ZNF169: variants seen among roughly 807,000 people sequenced by gnomAD.
The protein encoded by ZNF169 is zinc finger protein 169.
Under a neutral mutation model 12.0 loss-of-function variants are expected in ZNF169, and 11 were observed. The observed-to-expected ratio is 0.92, with a 90% CI of 0.58 to 1.52. The LOEUF is 1.52. ZNF169 is among the 40% of genes most tolerant of loss of function. ZNF169 has a pLI of 0.00. For missense variants in ZNF169, 722 were observed against 744.0 expected, an observed-to-expected ratio of 0.97 and a Z score of 0.34; for synonymous variants, 302 against 286.5, an observed-to-expected ratio of 1.05 and a Z score of -0.55.
intron 2 of ZNF169, among the ~76,000 whole-genome samples, chr9:94,283,953 T>C (rs1830680784): frequency 1.3e-5 from 2 of 149,000 alleles, no homozygotes; most frequent in African/African-American, 5.0e-5. Context: ...GCACCTGTAA[T>C]CCCATCTACC....
At chr9:94,297,884 G>A (rs1237245819) in intron 4 of ZNF169, among the ~76,000 whole-genome samples, 4 of 152,066 alleles carry the variant, frequency 2.6e-5, no homozygotes, top group Non-Finnish European at 4.4e-5. Context: ...TTTGTTCCAG[G>A]GGCTGGGCGC....
At chr9:94,269,193 G>C (rs989347357) in intron 1 of ZNF169, among the ~76,000 whole-genome samples, 1 of 152,082 alleles carries the variant, frequency 6.6e-6, no homozygotes, top group African/African-American at 2.4e-5. Context: ...GACAAATTTT[G>C]GACAACACAA....
chr9:94,277,261 T>C (rs778546312), intron 1 of ZNF169, among the ~76,000 whole-genome samples: 26 of 152,134 alleles, frequency 1.7e-4, no homozygotes, highest in Non-Finnish European at 3.1e-4. Flanking sequence ...CAAGTTTTAT[T>C]GTGCAGAGGA....
chr9:94,278,941 T>G, intron 2 of ZNF169, 96 bp downstream of exon 2: 1 of 1,292,306 alleles, frequency 7.7e-7, no homozygotes, highest in Non-Finnish European at 1.1e-6. Context: ...AAAGCCTATC[T>G]TGATCTTGTA....
At chr9:94,265,315 C>T (rs1326351801) in intron 1 of ZNF169, among the ~76,000 whole-genome samples, 1 of 152,076 alleles carries the variant, frequency 6.6e-6, no homozygotes, top group Non-Finnish European at 1.5e-5. Flanking sequence ...CGCAGTGGCT[C>T]ATGTCTGTAA....
intron 2 of ZNF169, chr9:94,288,449 C>G: frequency 1.8e-6 from 2 of 1,092,432 alleles, no homozygotes; most frequent in South Asian, 2.5e-5. Flanking sequence ...CCATTCTTCT[C>G]TTTTGTTTTC....
At chr9:94,264,261 G>A (rs965613244) in intron 1 of ZNF169, among the ~76,000 whole-genome samples, 3 of 151,982 alleles carry the variant, frequency 2.0e-5, no homozygotes, top group South Asian at 2.1e-4. Context: ...CTCAGCTTCC[G>A]AGTCACTGGG....
At position 94,300,494 on chromosome 9, in the gene ZNF169, C is replaced by G; in HGVS notation, c.936C>G (p.His312Gln). ...CTCTCACTAATCACAAGAGGATTCA[C>G]TCCGGGGAGAGGCCCTTTGTATGTC... ...TSSLTNHKRI[H>Q]SGERPFVCQE... Residue 312 changes from histidine (H) to glutamine (Q), a missense_variant, in exon 5 of 5, where the codon CAC becomes CAG. His to Gln is a conservative substitution (Grantham distance 24). Transcript: ENST00000395395. 1 of 1,614,214 alleles carries G rather than the reference C, an allele frequency of 6.2e-7. No individual in the cohort carries two copies. The highest frequency in any genetic ancestry group is 8.5e-7 in the Non-Finnish European group (1 of 1,180,052).
chr9:94,261,020 T>C (rs9409713), intron 1 of ZNF169, among the ~76,000 whole-genome samples: 26,161 of 139,924 alleles, frequency 0.19, 2,444 homozygotes, highest in Middle Eastern at 0.27. Context: ...ACGGGGTTTG[T>C]TTTTTGTTTG....
intron 1 of ZNF169, among the ~76,000 whole-genome samples, chr9:94,267,759 T>G (rs148061642): frequency 7.9e-5 from 12 of 152,280 alleles, no homozygotes; most frequent in African/African-American, 2.2e-4. Flanking sequence ...TCACGAGTCC[T>G]GAACGTTTTT....
Position 94,300,001 on chromosome 9 carries a change from G to T in ZNF169, c.443G>T (p.Gly148Val), listed in dbSNP as rs141463239. 6.2e-7 allele frequency: 1 copy of T among 1,614,136 alleles called. No individual in the cohort carries two copies. ...AAAGGAGAAAGTGGAGAGACAGAAG[G>T]CCCCGACAGCTCATTAAGAAAGAGG... ...SEKGESGETE[G>V]PDSSLRKRPS... The change falls in exon 5 of 5, where the codon GGC (glycine) becomes GTC (valine). Residue 148 changes from glycine to valine, a missense_variant. By Grantham distance (109) the Gly-to-Val change is moderately radical (BLOSUM62 -3). Coordinates refer to ENST00000395395, the MANE Select transcript of ZNF169 (RefSeq NM_194320.4).
At chr9:94,298,728 CAAAAA>C (rs59009101) in intron 4 of ZNF169, among the ~76,000 whole-genome samples, 3 of 105,064 alleles carry the variant, frequency 2.9e-5, no homozygotes, top group African/African-American at 3.5e-5. Flanking sequence ...GACTCTGTCT[CAAAAA>C]AAAAAAAAAA....
chr9:94,299,113 C>T (rs1008461755), intron 4 of ZNF169, among the ~76,000 whole-genome samples: 1 of 152,136 alleles, frequency 6.6e-6, no homozygotes, highest in African/African-American at 2.4e-5. Context: ...CAATGCTATT[C>T]GGGGAATATA....
chr9:94,273,037 G>A (rs1276395361), intron 1 of ZNF169, among the ~76,000 whole-genome samples: 3 of 146,778 alleles, frequency 2.0e-5, no homozygotes, highest in Admixed American at 6.9e-5. Context: ...TTAGAGAAAT[G>A]TCTATTCAAG....
At chr9:94,260,299 C>T (rs979744323) in intron 1 of ZNF169, among the ~76,000 whole-genome samples, 1 of 152,204 alleles carries the variant, frequency 6.6e-6, no homozygotes, top group Non-Finnish European at 1.5e-5. Context: ...GTAATCCCCC[C>T]GCCTCGGCCT....
At chr9:94,261,767 C>T (rs1408798106) in intron 1 of ZNF169, among the ~76,000 whole-genome samples, 1 of 152,172 alleles carries the variant, frequency 6.6e-6, no homozygotes, top group African/African-American at 2.4e-5. Flanking sequence ...TTGTGTATGA[C>T]ACTTCTCTGA....
At chr9:94,267,688 A>G (rs547293104) in intron 1 of ZNF169, among the ~76,000 whole-genome samples, 37 of 152,318 alleles carry the variant, frequency 2.4e-4, no homozygotes, top group East Asian at 1.4e-3. Context: ...ATTCCAGTCT[A>G]TTAGTTCAGT....
At chr9:94,270,728 A>C (rs1830381663) in intron 1 of ZNF169, among the ~76,000 whole-genome samples, 1 of 25,476 alleles carries the variant, frequency 3.9e-5, no homozygotes, top group African/African-American at 7.6e-5. Context: ...AATATTATAT[A>C]TTATATAATT....
At position 94,288,508 on chromosome 9, in the gene ZNF169, C is replaced by T. The variant is rs557028773; in HGVS notation, c.34-3833C>T. 121 of 644,200 alleles carry T rather than the reference C, an allele frequency of 1.9e-4. 2 individuals carry two copies. In the African/African-American group the frequency reaches 2.0e-3, roughly 11 times the overall value. The allele number at this position is 644,200 out of a possible 1,614,324, so 39.9% of individuals were successfully genotyped here. On this transcript the variant is annotated intron_variant, in intron 2 of 4. Transcript: ENST00000395395. ...TCCATAGCCATTGGTGAAGACATCC[C>T]TGGCAGATTTGACAGGATCTCATAT...
Sources: gnomAD v4.1 joint callset for allele counts (sites outside exome capture counted in the v4.1 genomes callset) on GRCh38, gnomAD v4.1.1 for gene constraint, MANE v1.5 for transcripts, NCBI Gene and HGNC (gene_info 2026-07-23, HGNC 2026-07-21) for gene names.